The following MTMR3 variants were observed in gnomAD, a reference collection of about 807,000 sequenced individuals.
The protein encoded by MTMR3 is myotubularin related protein 3, also known as phosphatidylinositol-3,5-bisphosphate 3-phosphatase MTMR3.
Under a neutral mutation model 132.4 loss-of-function variants are expected in MTMR3, and 32 were observed. The observed-to-expected ratio is 0.24, with a 90% CI of 0.18 to 0.32. The LOEUF is 0.32. MTMR3 is among the 10% of genes least tolerant of loss of function. The pLI is 1.00. For synonymous variants in MTMR3, 556 were observed against 550.3 expected, an observed-to-expected ratio of 1.01 and a Z score of -0.14; for missense variants, 1,216 against 1,489.6, an observed-to-expected ratio of 0.82 and a Z score of 3.02.
At position 30,020,511 on chromosome 22, in the gene MTMR3, A is replaced by T. The variant is rs1202308326; in HGVS notation, c.2852A>T (p.Tyr951Phe). The T allele has an allele frequency of 6.2e-7, 1 of 1,613,908 alleles. No individual in the cohort carries two copies. The highest frequency in any genetic ancestry group is 1.3e-5 in the African/African-American group (1 of 74,866). The change falls in exon 17 of 20, where the codon TAC becomes TTC. Residue 951 changes from tyrosine to phenylalanine, a missense_variant. Tyr to Phe is a conservative substitution (Grantham distance 22). Transcript: ENST00000401950. ...CCAGGTCTTAGCACCCTCCAGATGT[A>T]CCCCACACCCAATGGGCATTGCGCC... ...QPPGLSTLQM[Y>F]PTPNGHCANG... is the part of the protein sequence containing the mutation.
intron 1 of MTMR3, among the ~76,000 whole-genome samples, chr22:29,916,506 G>C (rs1472327159): frequency 6.6e-6 from 1 of 152,094 alleles, no homozygotes; most frequent in Non-Finnish European, 1.5e-5. Context: ...AAAATACAAA[G>C]CTTTGACAAT....
At chr22:29,939,843 G>T (rs1464364570) in intron 1 of MTMR3, among the ~76,000 whole-genome samples, 1 of 152,128 alleles carries the variant, frequency 6.6e-6, no homozygotes, top group African/African-American at 2.4e-5. Flanking sequence ...TATACATCCA[G>T]ATGGCCTGAA....
At chr22:29,967,249 G>A (rs886377126) in intron 2 of MTMR3, among the ~76,000 whole-genome samples, 2 of 149,778 alleles carry the variant, frequency 1.3e-5, no homozygotes, top group African/African-American at 2.5e-5. Context: ...GCGCGCGCGC[G>A]CATGTTTTTT....
At chr22:29,933,755 G>T (rs1343882891) in intron 1 of MTMR3, among the ~76,000 whole-genome samples, 1 of 144,912 alleles carries the variant, frequency 6.9e-6, no homozygotes, top group African/African-American at 2.6e-5. Flanking sequence ...TTTTTTTTAG[G>T]AGACTGGGTC....
chr22:29,919,563 C>T (rs1326816996), intron 1 of MTMR3, among the ~76,000 whole-genome samples: 1 of 152,064 alleles, frequency 6.6e-6, no homozygotes, highest in Non-Finnish European at 1.5e-5. Flanking sequence ...GTCTCTATAG[C>T]CCAGGATGGA....
At chr22:30,006,594 A>C (rs922762757) in intron 9 of MTMR3, 1 of 154,818 alleles carries the variant, frequency 6.5e-6, no homozygotes, top group Non-Finnish European at 1.4e-5. Flanking sequence ...CTGTCACCCA[A>C]GCTGGAGTGC....
chr22:29,956,390 GC>G (rs1431496448), intron 1 of MTMR3, among the ~76,000 whole-genome samples: 1 of 152,076 alleles, frequency 6.6e-6, no homozygotes, highest in Admixed American at 6.5e-5. Flanking sequence ...GGGATCACAG[GC>G]GCATGCCACC....
intron 3 of MTMR3, among the ~76,000 whole-genome samples, chr22:29,975,519 T>G (rs2066613107): frequency 6.6e-6 from 1 of 152,170 alleles, no homozygotes; most frequent in Admixed American, 6.5e-5. Flanking sequence ...GTTAGAAAAG[T>G]AGTTAAAAAA....
intron 1 of MTMR3, among the ~76,000 whole-genome samples, chr22:29,918,027 A>C (rs748077407): frequency 4.1e-4 from 62 of 152,228 alleles, no homozygotes; most frequent in Non-Finnish European, 7.8e-4. Flanking sequence ...TGAAATCACG[A>C]AATGCCTCAT....
intron 8 of MTMR3, chr22:30,001,069 A>G (rs554470341): frequency 6.6e-6 from 1 of 152,294 alleles, no homozygotes; most frequent in South Asian, 2.1e-4. Context: ...GCTGGGCAAC[A>G]TAGTGAGACC....
At chr22:29,963,142 T>C (rs954791271) in intron 2 of MTMR3, among the ~76,000 whole-genome samples, 1 of 152,094 alleles carries the variant, frequency 6.6e-6, no homozygotes, top group Non-Finnish European at 1.5e-5. Flanking sequence ...AGATGGTGTT[T>C]TGCCATGTTG....
chr22:29,907,125 G>T (rs1314181000), intron 1 of MTMR3, among the ~76,000 whole-genome samples: 5 of 151,612 alleles, frequency 3.3e-5, no homozygotes, highest in Admixed American at 2.0e-4. Flanking sequence ...ATTTGGCCAG[G>T]CGTGATGGGT....
intron 13 of MTMR3, 22 bp from the exon 14 acceptor site, chr22:30,013,334 T>C (rs755089988): frequency 6.2e-7 from 1 of 1,612,174 alleles, no homozygotes; most frequent in South Asian, 1.1e-5. Flanking sequence ...ACAAATGGTC[T>C]CTCCTGGATG....
intron 2 of MTMR3, among the ~76,000 whole-genome samples, chr22:29,967,245 G>A (rs866903897): frequency 4.0e-5 from 6 of 150,532 alleles, no homozygotes; most frequent in South Asian, 4.2e-4. Context: ...ATGCGCGCGC[G>A]CGCGCATGTT....
At chr22:30,017,496 A>G (rs1050868307) in intron 15 of MTMR3, 2 of 164,466 alleles carry the variant, frequency 1.2e-5, no homozygotes, top group Non-Finnish European at 2.6e-5. Flanking sequence ...CACATGATTA[A>G]TTTAAATGAT....
rs186621048 is a variant in MTMR3, at chr22:30,007,056, G to A, written c.672-58G>A. 4 of 1,574,604 alleles carry A rather than the reference G, an allele frequency of 2.5e-6. No individual in the cohort carries two copies. In the African/African-American group the frequency reaches 4.1e-5, roughly 16 times the overall value. On this transcript the variant is annotated intron_variant, in intron 9 of 19. Transcript: ENST00000401950. ...CATTAAGGCACTTAAAATCTATTTT[G>A]TGTGAGTACAGAGAGCATCTGAATG...
intron 1 of MTMR3, among the ~76,000 whole-genome samples, chr22:29,954,227 G>A (rs1820340360): frequency 6.6e-6 from 1 of 151,646 alleles, no homozygotes; most frequent in African/African-American, 2.4e-5. Context: ...GACTACAAAT[G>A]TGTGCCACCA....
At chr22:29,937,315 A>G (rs542707949) in intron 1 of MTMR3, among the ~76,000 whole-genome samples, 2 of 152,124 alleles carry the variant, frequency 1.3e-5, no homozygotes, top group African/African-American at 4.8e-5. Flanking sequence ...TTTCTTTACC[A>G]TATACTGTCT....
intron 1 of MTMR3, among the ~76,000 whole-genome samples, chr22:29,943,807 T>C (rs1204429529): frequency 8.5e-6 from 1 of 118,000 alleles, no homozygotes; most frequent in Non-Finnish European, 1.7e-5. Flanking sequence ...AGCTCCTTCA[T>C]GTGGACAACT....
Sources: allele counts gnomAD v4.1 joint callset (sites outside exome capture counted in the v4.1 genomes callset), GRCh38; gene constraint gnomAD v4.1.1; transcripts MANE v1.5; gene names NCBI Gene and HGNC (gene_info 2026-07-23, HGNC 2026-07-21).